SUGCT: variants seen among roughly 807,000 people sequenced by gnomAD.
The protein encoded by SUGCT is succinyl-CoA:glutarate CoA-transferase.
SUGCT carries 41 observed loss-of-function variants against 55.0 expected under a neutral mutation model. The observed-to-expected ratio is 0.74, with a 90% confidence interval of 0.58 to 0.97. The LOEUF (loss-of-function observed/expected upper bound fraction) is 0.97. Among genes scored for constraint, SUGCT ranks in the 50% least tolerant of loss-of-function variants. The pLI is 0.00. For synonymous variants in SUGCT, 187 were observed against 200.4 expected (o/e 0.93, Z 0.56); for missense variants, 568 against 547.8 (o/e 1.04, Z -0.37).
At chr7:40,775,172 G>A (rs950668740) in intron 13 of SUGCT, among the ~76,000 whole-genome samples, 19 of 152,226 alleles carry the variant, frequency 1.2e-4, no homozygotes, top group African/African-American at 4.3e-4. Flanking sequence ...AAAGATAAAT[G>A]TGCTTTACCA....
intron 12 of SUGCT, among the ~76,000 whole-genome samples, chr7:40,619,438 G>GT (rs1339704903): frequency 1.3e-5 from 2 of 151,830 alleles, no homozygotes; most frequent in Non-Finnish European, 1.5e-5. Flanking sequence ...TATTAATTTT[G>GT]TTTTTTTCCT....
the SUGCT span, among the ~76,000 whole-genome samples, chr7:40,975,603 G>A: frequency 6.6e-6 from 1 of 152,164 alleles, no homozygotes. Context: ...TCCAGATGGT[G>A]GCTTCTTTTC....
intron 12 of SUGCT, among the ~76,000 whole-genome samples, chr7:40,666,364 A>AAGGG (rs887445539): frequency 2.1e-5 from 3 of 140,260 alleles, no homozygotes; most frequent in African/African-American, 7.9e-5. Flanking sequence ...GAAAGGAAGG[A>AAGGG]AGGAAGGAAG....
At chr7:40,583,442 A>C (rs1410157849) in intron 12 of SUGCT, among the ~76,000 whole-genome samples, 1 of 152,116 alleles carries the variant, frequency 6.6e-6, no homozygotes, top group Non-Finnish European at 1.5e-5. Context: ...ATCATTGAAA[A>C]TCACATATCC....
chr7:40,845,054 G>T (rs1017753436), intron 13 of SUGCT, among the ~76,000 whole-genome samples: 4 of 151,348 alleles, frequency 2.6e-5, no homozygotes, highest in East Asian at 2.0e-4. Flanking sequence ...GTTTTTGGTG[G>T]TTTATTTTTT....
intron 11 of SUGCT, among the ~76,000 whole-genome samples, chr7:40,472,439 G>A (rs921507664): frequency 1.3e-5 from 2 of 152,100 alleles, no homozygotes; most frequent in Non-Finnish European, 2.9e-5. Flanking sequence ...GCTAGCAACG[G>A]CATAAAGGAA....
chr7:40,323,171 C>A (rs1450561224), intron 9 of SUGCT, among the ~76,000 whole-genome samples: 4 of 151,984 alleles, frequency 2.6e-5, no homozygotes, highest in African/African-American at 9.7e-5. Flanking sequence ...GCTGTAAAAT[C>A]CACATAGAGG....
intron 11 of SUGCT, among the ~76,000 whole-genome samples, chr7:40,475,954 G>A (rs1790645737): frequency 6.6e-6 from 1 of 151,918 alleles, no homozygotes; most frequent in African/African-American, 2.4e-5. Context: ...ACCCTTTATT[G>A]CTCACCTCCT....
chr7:41,024,599 T>C, the SUGCT span, among the ~76,000 whole-genome samples: 1 of 148,584 alleles, frequency 6.7e-6, no homozygotes, highest in Non-Finnish European at 1.5e-5. Context: ...GTAATCTCAT[T>C]AGTGACAGGG....
chr7:40,245,439 T>TA (rs1562607559), intron 7 of SUGCT, among the ~76,000 whole-genome samples: 3 of 63,842 alleles, frequency 4.7e-5, no homozygotes, highest in African/African-American at 6.6e-5. Flanking sequence ...TTTTTTTTTT[T>TA]TTTTTTTTTT....
At chr7:40,317,294 T>A (rs1795494871) in intron 9 of SUGCT, among the ~76,000 whole-genome samples, 1 of 152,176 alleles carries the variant, frequency 6.6e-6, no homozygotes, top group Non-Finnish European at 1.5e-5. Flanking sequence ...TGGTTCTTCA[T>A]TTTTGGAACA....
intron 12 of SUGCT, among the ~76,000 whole-genome samples, chr7:40,665,487 C>T (rs938194623): frequency 4.7e-5 from 7 of 148,766 alleles, no homozygotes; most frequent in African/African-American, 1.5e-4. Context: ...AAAGTACTGG[C>T]TCAAGAGAGA....
chr7:40,195,577 A>G (rs1422392029), intron 6 of SUGCT, among the ~76,000 whole-genome samples: 1 of 151,402 alleles, frequency 6.6e-6, no homozygotes, highest in Non-Finnish European at 1.5e-5. Context: ...TCATAAATTT[A>G]TTGGCTATTT....
intron 7 of SUGCT, among the ~76,000 whole-genome samples, chr7:40,237,995 T>C (rs1426583736): frequency 1.3e-5 from 2 of 152,206 alleles, no homozygotes; most frequent in South Asian, 2.1e-4. Context: ...CAAGAAGCCA[T>C]AGATCAGATG....
At chr7:40,691,675 T>G (rs1156712898) in intron 12 of SUGCT, among the ~76,000 whole-genome samples, 2 of 152,320 alleles carry the variant, frequency 1.3e-5, no homozygotes, top group East Asian at 1.9e-4. Context: ...GACATCAGAT[T>G]TATAGTATTC....
chr7:40,427,971 T>C (rs746196188), intron 9 of SUGCT, among the ~76,000 whole-genome samples: 1 of 152,182 alleles, frequency 6.6e-6, no homozygotes, highest in African/African-American at 2.4e-5. Context: ...CTCTTATCTG[T>C]CTGAATGTTC....
chr7:41,011,479 C>A, the SUGCT span, among the ~76,000 whole-genome samples: 1 of 152,166 alleles, frequency 6.6e-6, no homozygotes, highest in Non-Finnish European at 1.5e-5. Flanking sequence ...AAGTGTGGTA[C>A]CCCAACTGGG....
chr7:40,290,452 A>G (rs1177576766), intron 8 of SUGCT, among the ~76,000 whole-genome samples: 3 of 152,214 alleles, frequency 2.0e-5, no homozygotes, highest in Non-Finnish European at 4.4e-5. Context: ...GGCTAGCCAT[A>G]TGTAGAAAGC....
chr7:40,487,656 A>G (rs1346522734), intron 11 of SUGCT, among the ~76,000 whole-genome samples: 1 of 151,988 alleles, frequency 6.6e-6, no homozygotes, highest in Non-Finnish European at 1.5e-5. Context: ...TCCTTTTAGA[A>G]CTATTCATAT....
Sources: gnomAD v4.1 joint callset for allele counts (sites outside exome capture counted in the v4.1 genomes callset) on GRCh38, gnomAD v4.1.1 for gene constraint, MANE v1.5 for transcripts, NCBI Gene and HGNC (gene_info 2026-07-23, HGNC 2026-07-21) for gene names.